The following DPYS variants were observed in gnomAD, a reference collection of about 807,000 sequenced individuals.
DPYS encodes dihydropyrimidinase, also known as dihydropyrimidine amidohydrolase.
A neutral mutation model predicts 50.3 loss-of-function variants in DPYS; 39 were observed. The observed-to-expected ratio is 0.78, with a 90% CI of 0.60 to 1.01. The LOEUF (loss-of-function observed/expected upper bound fraction) is 1.01, where lower values mean the gene tolerates loss of function less well. DPYS is among the 50% of genes least tolerant of loss of function. The pLI is 0.00. For synonymous variants in DPYS, 245 were observed against 250.7 expected (o/e 0.98, Z 0.22); for missense variants, 659 against 680.9 (o/e 0.97, Z 0.36).
In DPYS at chr8:104,392,804, G is replaced by A. The variant is rs61758444; in HGVS notation, c.1423C>T (p.Arg475Ter). Residue 475 changes from arginine to a stop codon, truncating the protein, a stop_gained, in exon 8 of 10, where the codon CGA becomes TGA. Transcript: ENST00000351513. LOFTEE classifies it high-confidence loss of function. The stretch of plus-strand genomic sequence containing the variant: ...CTCACCCGGTCTCGCTGCTTTATTC[G>A]TTTGTAAATATATTCAGCAAATGGT... ...RKPFAEYIYKRIKQRDRTCTP... is the reference protein window; with the variant it reads ...RKPFAEYIYK The A allele has an allele frequency of 1.2e-4, 201 of 1,613,916 alleles. No individual in the cohort carries two copies. Among genetic ancestry groups the A allele is most frequent in the Middle Eastern group, 6.6e-4 (4 of 6,080 alleles).
chr8:104,417,102 G>A lies in DPYS; in HGVS notation c.1235+7145C>T, dbSNP rs563025294. 3.3e-5 allele frequency among the ~76,000 whole-genome samples: 5 copies of A among 152,324 alleles called. No individual in the cohort carries two copies. The East Asian group carries it at 5.8e-4, about 18-fold the overall frequency. ...AATGGTGTATTCAAGGTCAAAGCCT[G>A]CCATAATTGAGTTAAAAAATAATAA... On this transcript the variant is annotated intron_variant, in intron 7 of 9. Coordinates refer to ENST00000351513, the MANE Select transcript of DPYS (RefSeq NM_001385.3).
intron 7 of DPYS, among the ~76,000 whole-genome samples, chr8:104,417,697 G>A (rs1564092928): frequency 6.6e-6 from 1 of 152,342 alleles, no homozygotes; most frequent in East Asian, 1.9e-4. Context: ...TCCGAAAAAG[G>A]TGAATGCTCC....
At position 104,447,619 on chromosome 8, in the gene DPYS, A is replaced by C. The variant is rs1047774468; in HGVS notation, c.424-116T>G. The C allele has an allele frequency of 7.2e-6, 9 of 1,251,190 alleles. No homozygotes were observed. The African/African-American group carries it at 1.1e-4, about 15-fold the overall frequency. 77.5% of individuals were successfully genotyped at this position (1,251,190 alleles called of 1,614,324 possible). A position where few individuals can be genotyped will look rare whatever the true frequency, so the allele number is the denominator to read the frequency against. ...ACTAAGTAAAATAAGGAAAATAAGG[A>C]CAATAGTTTAGTTCCACAAAAATGC... On this transcript the variant is annotated intron_variant, in intron 2 of 9. Coordinates refer to ENST00000351513, the MANE Select transcript of DPYS (RefSeq NM_001385.3).
chr8:104,404,132 C>CTAT (rs150161057), intron 7 of DPYS, among the ~76,000 whole-genome samples: 9 of 151,920 alleles, frequency 5.9e-5, no homozygotes, highest in South Asian at 2.1e-4. Context: ...GATATCAATA[C>CTAT]TATTATTATT....
rs1004885034 is a variant in DPYS at position 104,443,446 on chromosome 8, C to T, written c.793+802G>A. 2.0e-5 allele frequency among the ~76,000 whole-genome samples: 3 copies of T among 152,274 alleles called. No individual in the cohort carries two copies. In the East Asian group the frequency reaches 5.8e-4, roughly 29 times the overall value. On this transcript the variant is annotated intron_variant, in intron 4 of 9. Transcript: ENST00000351513. ...CATAAAAATACCATTTGGATAATTG[C>T]TTCAATTGCTCCAACATCCAAGTGG... is the stretch of plus-strand genomic sequence containing the variant.
Position 104,466,952 on chromosome 8 carries a change from G to A in DPYS, c.-32C>T, listed in dbSNP as rs1814441313. The stretch of plus-strand genomic sequence containing the variant: ...GGGCGCGCGGGGTCCTACTCGGCCC[G>A]GGCTGCGCGCAGGGGCTGGGTTGGG... On this transcript the variant is annotated 5_prime_UTR_variant, in exon 1 of 10. Transcript: ENST00000351513. 5.7e-6 allele frequency: 8 copies of A among 1,400,166 alleles called. No homozygotes were observed. Among genetic ancestry groups the A allele is most frequent in the East Asian group, 5.8e-5 (2 of 34,508 alleles). 86.7% of individuals were successfully genotyped at this position (1,400,166 alleles called of 1,614,324 possible).
chr8:104,401,970 T>C (rs896858299), intron 7 of DPYS, among the ~76,000 whole-genome samples: 2 of 152,296 alleles, frequency 1.3e-5, no homozygotes, highest in East Asian at 3.9e-4. Flanking sequence ...AATTGGACAA[T>C]AACTTGGAAC....
rs1201293171 is a variant in DPYS at position 104,451,264 on chromosome 8, C to T, written c.405G>A (p.Val135=). The stretch of plus-strand genomic sequence containing the variant: ...GCTTTACCTGGTCACTCCACCACGT[C>T]ACTGCCACATGAAGGCTGTAGTCGC... The part of the protein sequence containing the change: ...VCCDYSLHVA[V]TWWSDQVKEE... Residue 135 remains valine (V), a synonymous_variant, in exon 2 of 10, where the codon GTG becomes GTA. Coordinates refer to ENST00000351513, the MANE Select transcript of DPYS (RefSeq NM_001385.3). The T allele has an allele frequency of 6.2e-7, 1 of 1,614,066 alleles. No homozygotes were observed. The highest frequency in any genetic ancestry group is 8.5e-7 in the Non-Finnish European group (1 of 1,180,036).
intron 8 of DPYS, 38 bp downstream of exon 8, chr8:104,392,746 G>A (rs1564080522): frequency 1.1e-5 from 17 of 1,611,300 alleles, no homozygotes; most frequent in Admixed American, 3.3e-5. Flanking sequence ...GCAGGAGACA[G>A]TCCGACTTGT....
intron 7 of DPYS, among the ~76,000 whole-genome samples, chr8:104,399,345 A>T (rs1221351800): frequency 4.0e-5 from 6 of 150,244 alleles, no homozygotes; most frequent in Admixed American, 2.0e-4. Context: ...ACCCACATCC[A>T]GGCTCTAAGA....
At chr8:104,438,677 A>C (rs1813236459) in intron 4 of DPYS, among the ~76,000 whole-genome samples, 1 of 152,186 alleles carries the variant, frequency 6.6e-6, no homozygotes, top group African/African-American at 2.4e-5. Flanking sequence ...TGGAAGACCT[A>C]ATTAGAGTTA....
At chr8:104,427,176 G>A (rs1225030658) in intron 6 of DPYS, among the ~76,000 whole-genome samples, 5 of 148,380 alleles carry the variant, frequency 3.4e-5, no homozygotes, top group African/African-American at 1.0e-4. Flanking sequence ...ACTCCAGTCC[G>A]GGCAACAGAG....
intron 7 of DPYS, among the ~76,000 whole-genome samples, chr8:104,397,251 G>A (rs184092496): frequency 6.6e-6 from 1 of 152,308 alleles, no homozygotes; most frequent in East Asian, 1.9e-4. Flanking sequence ...TTCCTCCGTC[G>A]TTTAGCATTA....
At chr8:104,396,805 C>A (rs1811603785) in intron 7 of DPYS, among the ~76,000 whole-genome samples, 1 of 136,486 alleles carries the variant, frequency 7.3e-6, no homozygotes, top group Non-Finnish European at 1.6e-5. Context: ...AATATCAAAT[C>A]AGATTTCTTT....
At chr8:104,406,859 A>C (rs1253820243) in intron 7 of DPYS, among the ~76,000 whole-genome samples, 2 of 152,198 alleles carry the variant, frequency 1.3e-5, no homozygotes, top group African/African-American at 4.8e-5. Flanking sequence ...ACAGACATCC[A>C]AGTGGATCTA....
At chr8:104,455,244 G>T (rs1323568954) in intron 1 of DPYS, among the ~76,000 whole-genome samples, 1 of 152,238 alleles carries the variant, frequency 6.6e-6, no homozygotes, top group African/African-American at 2.4e-5. Context: ...AGGCCCTAGA[G>T]CCTGAGCCTC....
At chr8:104,400,433 T>C (rs796406522) in intron 7 of DPYS, among the ~76,000 whole-genome samples, 57 of 152,342 alleles carry the variant, frequency 3.7e-4, no homozygotes, top group African/African-American at 1.3e-3. Flanking sequence ...CAAGATTCAT[T>C]ACTAAATAGT....
chr8:104,460,606 G>A (rs73293240), intron 1 of DPYS, among the ~76,000 whole-genome samples: 2,985 of 152,254 alleles, frequency 0.02, 86 homozygotes, highest in African/African-American at 0.069. Context: ...ATGTGAGAGA[G>A]AAAACAAGGG....
At chr8:104,444,527 G>C in intron 3 of DPYS, 90 bp from the exon 4 acceptor site, 2 of 1,455,240 alleles carry the variant, frequency 1.4e-6, no homozygotes, top group South Asian at 1.2e-5. Flanking sequence ...TGCAATGCCA[G>C]GCTTTTGATC....
Sources: allele counts gnomAD v4.1 joint callset (sites outside exome capture counted in the v4.1 genomes callset), GRCh38; gene constraint gnomAD v4.1.1; transcripts MANE v1.5; gene names NCBI Gene and HGNC (gene_info 2026-07-23, HGNC 2026-07-21).